Variants in PF4 observed in about 807,000 individuals in gnomAD.
PF4 encodes the protein platelet factor 4.
In PF4, 8 loss-of-function variants were observed where a neutral mutation model predicts 6.9. That is an observed-to-expected ratio of 1.16 (90% confidence interval 0.68 to 2.09). The LOEUF (loss-of-function observed/expected upper bound fraction) is 2.09. Ranked by LOEUF, PF4 falls within the 30% of genes most tolerant of loss-of-function variation. PF4 has a pLI of 0.00. For missense variants in PF4, 111 were observed against 122.9 expected (o/e 0.90, Z 0.46); for synonymous variants, 55 against 56.5 (o/e 0.97, Z 0.12).
Position 73,981,483 on chromosome 4 carries a change from C to T in PF4, c.152G>A (p.Arg51His). ...CTCCAGGCTGGTGATGTGCCTGGGA[C>T]GGACCTGGGAGGTGGTCTTCACACA... Reference protein sequence around the residue: ...CLCVKTTSQVRPRHITSLEVI... With the variant: ...CLCVKTTSQVHPRHITSLEVI... Residue 51 changes from arginine to histidine, a missense_variant, in exon 2 of 3, where the codon CGT becomes CAT. Physicochemically the swap from Arg to His is conservative, Grantham distance 29 (BLOSUM62 0). Coordinates refer to ENST00000296029, the MANE Select transcript of PF4 (RefSeq NM_002619.4). 2.5e-6 allele frequency: 4 copies of T among 1,614,128 alleles called. No individual in the cohort carries two copies. Among genetic ancestry groups the T allele is most frequent in the South Asian group, 1.1e-5 (1 of 91,082 alleles).
rs1260204534 is a variant in PF4 at position 73,980,994 on chromosome 4, G to A, written c.*210C>T. The A allele has an allele frequency of 2.9e-5, 16 of 545,250 alleles. No homozygotes were observed. Among genetic ancestry groups the A allele is most frequent in the Middle Eastern group, 4.7e-4 (1 of 2,144 alleles). The allele number at this position is 545,250 out of a possible 1,614,324, so 33.8% of individuals were successfully genotyped here. Reference sequence around the variant, plus strand: ...CAAAATACTTTTTGCTTAAAATACCGGAATTTTTTTCTTCCATGAAATTGT... The same window carrying A: ...CAAAATACTTTTTGCTTAAAATACCAGAATTTTTTTCTTCCATGAAATTGT... On this transcript the variant is annotated 3_prime_UTR_variant, in exon 3 of 3. Coordinates refer to ENST00000296029, the MANE Select transcript of PF4 (RefSeq NM_002619.4).
intron 1 of PF4, 28 bp downstream of exon 1, chr4:73,981,835 G>C: frequency 6.5e-7 from 1 of 1,549,436 alleles, no homozygotes; most frequent in East Asian, 2.4e-5. Context: ...GCCGCTGCCA[G>C]CCCTCACAGC....
chr4:73,981,362 T>C (rs544613401), intron 2 of PF4, 55 bp downstream of exon 2: 2 of 1,613,540 alleles, frequency 1.2e-6, no homozygotes, highest in Non-Finnish European at 1.7e-6. Flanking sequence ...AGGGGGAGGG[T>C]TGGGCAGAGG....
At chr4:73,981,570 G>C (rs755022236) in intron 1 of PF4, 27 bp from the exon 2 acceptor site, 2 of 1,600,658 alleles carry the variant, frequency 1.2e-6, no homozygotes, top group South Asian at 1.1e-5. Context: ...GAGGGTAAGA[G>C]AGGAGGAGGG....
At chr4:73,981,680 C>T (rs1388135936) in intron 1 of PF4, 137 bp from the exon 2 acceptor site, 10 of 1,478,814 alleles carry the variant, frequency 6.8e-6, no homozygotes. Flanking sequence ...CTCCCCCAGA[C>T]AGAAGTTGTT....
intron 1 of PF4, 81 bp downstream of exon 1, chr4:73,981,782 A>G: frequency 6.6e-7 from 1 of 1,519,096 alleles, no homozygotes; most frequent in East Asian, 2.5e-5. Context: ...TCATGATCCT[A>G]GAGGATTCCT....
chr4:73,981,356 G>T (rs1228542242), intron 2 of PF4, 61 bp downstream of exon 2: 3 of 1,613,872 alleles, frequency 1.9e-6, no homozygotes, highest in Non-Finnish European at 2.5e-6. Flanking sequence ...ATTAGAAGGG[G>T]GAGGGTTGGG....
Position 73,981,397 on chromosome 4 carries a change from G to A in PF4, c.218+20C>T. The A allele has an allele frequency of 6.2e-7, 1 of 1,614,124 alleles. No individual in the cohort carries two copies. The highest frequency in any genetic ancestry group is 2.2e-5 in the East Asian group (1 of 44,872). ...GAGGCACGGAGCGGGAGCACTGACAGATGCAGTGCAAGGACTCACATCAGT... is the reference window on the plus strand; with the variant it reads ...GAGGCACGGAGCGGGAGCACTGACAAATGCAGTGCAAGGACTCACATCAGT... On this transcript the variant is annotated intron_variant, in intron 2 of 2. Coordinates refer to ENST00000296029, the MANE Select transcript of PF4 (RefSeq NM_002619.4).
At position 73,981,495 on chromosome 4, in the gene PF4, G is replaced by A; in HGVS notation, c.140C>T (p.Thr47Ile). Reference sequence around the variant, plus strand: ...GATGTGCCTGGGACGGACCTGGGAGGTGGTCTTCACACACAGGCACTGCAG... The same window carrying A: ...GATGTGCCTGGGACGGACCTGGGAGATGGTCTTCACACACAGGCACTGCAG... ...GDLQCLCVKTTSQVRPRHITS... is the reference protein window; with the variant it reads ...GDLQCLCVKTISQVRPRHITS... Residue 47 changes from threonine (T) to isoleucine (I), a missense_variant, in exon 2 of 3, where the codon ACC becomes ATC. Coordinates refer to ENST00000296029, the MANE Select transcript of PF4 (RefSeq NM_002619.4). 1.2e-6 allele frequency: 2 copies of A among 1,614,166 alleles called. No individual in the cohort carries two copies. The highest frequency in any genetic ancestry group is 2.2e-5 in the East Asian group (1 of 44,880).
rs1451198514 is a variant in PF4 at position 73,981,043 on chromosome 4, C to T, written c.*161G>A. Reference sequence around the variant, plus strand: ...GTTATGTGTCAACACAATTTTTGCACTATTATTAAGAAGTATTTTGACTAT... The same window carrying T: ...GTTATGTGTCAACACAATTTTTGCATTATTATTAAGAAGTATTTTGACTAT... On this transcript the variant is annotated 3_prime_UTR_variant, in exon 3 of 3. Transcript: ENST00000296029. 2.0e-5 allele frequency: 12 copies of T among 605,608 alleles called. No individual in the cohort carries two copies. The highest frequency in any genetic ancestry group is 1.1e-4 in the East Asian group (4 of 35,590). The allele number at this position is 605,608 out of a possible 1,614,324, so 37.5% of individuals were successfully genotyped here.
At chr4:73,982,049 C>CGTTTTAT, upstream of PF4, 5 of 993,340 alleles carry the variant, frequency 5.0e-6, no homozygotes, top group South Asian at 4.7e-5. Context: ...CTCGCCGGCA[C>CGTTTTAT]GTTTTATTCC....
At chr4:73,981,673 C>T (rs949838532) in intron 1 of PF4, 130 bp from the exon 2 acceptor site, 2 of 1,480,220 alleles carry the variant, frequency 1.4e-6, no homozygotes, top group Non-Finnish European at 1.8e-6. Context: ...ATCACACCTC[C>T]CCCAGACAGA....
Position 73,981,547 on chromosome 4 carries a change from A to G in PF4, c.92-4T>C. The G allele has an allele frequency of 3.7e-6, 6 of 1,612,076 alleles. No homozygotes were observed. The highest frequency in any genetic ancestry group is 5.1e-6 in the Non-Finnish European group (6 of 1,179,102). ...TCCCCATCTTCTTCAGCTTCAGCTG[A>G]GGGGGAAATGGAGAGGGTAAGAGAG... On this transcript the variant is annotated splice_region_variant and splice_polypyrimidine_tract_variant and intron_variant, in intron 1 of 2. Transcript: ENST00000296029.
At chr4:73,981,629 T>C (rs1718793784) in intron 1 of PF4, 86 bp from the exon 2 acceptor site, 4 of 1,518,088 alleles carry the variant, frequency 2.6e-6, no homozygotes, top group Admixed American at 2.1e-5. Flanking sequence ...AGGGACTTTT[T>C]CCACTACCTT....
rs751148599 is a variant in PF4, at chr4:73,981,463, G to A, written c.172C>T (p.Leu58=). Residue 58 remains leucine (L), a synonymous_variant, in exon 2 of 3, where the codon CTG becomes TTG. Coordinates refer to ENST00000296029, the MANE Select transcript of PF4 (RefSeq NM_002619.4). ...SQVRPRHITS[L]EVIKAGPHCP... ...TGGGGTCCGGCCTTGATCACCTCCA[G>A]GCTGGTGATGTGCCTGGGACGGACC... 4.3e-6 allele frequency: 7 copies of A among 1,614,078 alleles called. No individual in the cohort carries two copies. In the Admixed American group the frequency reaches 1.2e-4, roughly 27 times the overall value.
In PF4 at chr4:73,980,963, T is replaced by C. The variant is rs1180721760; in HGVS notation, c.*241A>G. ...ACCAAGCATAACCAGTATTCACACCTTCCTTCAAAATACTTTTTGCTTAAA... is the reference window on the plus strand; with the variant it reads ...ACCAAGCATAACCAGTATTCACACCCTCCTTCAAAATACTTTTTGCTTAAA... On this transcript the variant is annotated 3_prime_UTR_variant, in exon 3 of 3. Coordinates refer to ENST00000296029, the MANE Select transcript of PF4 (RefSeq NM_002619.4). 3.9e-6 allele frequency: 2 copies of C among 512,074 alleles called. No individual in the cohort carries two copies. The highest frequency in any genetic ancestry group is 6.7e-5 in the Admixed American group (2 of 30,048). 31.7% of individuals were successfully genotyped at this position (512,074 alleles called of 1,614,324 possible). A position where few individuals can be genotyped will look rare whatever the true frequency, so the allele number is the denominator to read the frequency against.
Position 73,981,869 on chromosome 4 carries a change from C to G in PF4, c.85G>C (p.Ala29Pro). The stretch of plus-strand genomic sequence containing the variant: ...GCCTGGCTTCTGCTCTCACCGCTGG[C>G]GAAGGCGACCACAAGTGGCAGGAGC... ...LLLLPLVVAF[A>P]SAEAEEDGDL... is the part of the protein sequence containing the mutation. Residue 29 changes from alanine to proline, a missense_variant, in exon 1 of 3, where the codon GCC becomes CCC. Physicochemically the swap from Ala to Pro is conservative, Grantham distance 27. Transcript: ENST00000296029. 1 of 1,551,208 alleles carries G rather than the reference C, an allele frequency of 6.4e-7. No individual in the cohort carries two copies. The highest frequency in any genetic ancestry group is 8.7e-7 in the Non-Finnish European group (1 of 1,146,900).
chr4:73,981,981 C>G lies in PF4; in HGVS notation c.-28G>C, dbSNP rs553937127. 1.4e-3 allele frequency: 2,105 copies of G among 1,534,936 alleles called. 6 individuals are homozygous for G. The highest frequency in any genetic ancestry group is 1.7e-3 in the Non-Finnish European group (1,959 of 1,132,912). On this transcript the variant is annotated 5_prime_UTR_variant, in exon 1 of 3. Coordinates refer to ENST00000296029, the MANE Select transcript of PF4 (RefSeq NM_002619.4). ...TGCGGCAGAGCTTCCAGCAGGATCT[C>G]AGTGCTCAGTGCGATGGGAAACTCG...
In PF4 at chr4:73,981,218, G is replaced by A. The variant is rs1476100413; in HGVS notation, c.292C>T (p.Leu98Phe). Residue 98 changes from leucine to phenylalanine, a missense_variant, in exon 3 of 3, where the codon CTT becomes TTT. Transcript: ENST00000296029. ...GCAGCTAGTAGCTAACTCTCCAAAA[G>A]TTTCTTAATTATTTTCTTGTACAGC... ...APLYKKIIKK[L>F]LES The A allele has an allele frequency of 1.9e-6, 3 of 1,613,658 alleles. No homozygotes were observed. The highest frequency in any genetic ancestry group is 2.5e-6 in the Non-Finnish European group (3 of 1,179,680).
Sources: gnomAD v4.1 joint callset for allele counts on GRCh38, gnomAD v4.1.1 for gene constraint, MANE v1.5 for transcripts, NCBI Gene and HGNC (gene_info 2026-07-23, HGNC 2026-07-21) for gene names.